Variants in DMP1 observed in about 807,000 individuals in gnomAD.
The protein encoded by DMP1 is dentin matrix protein 1.
A neutral mutation model predicts 14.6 loss-of-function variants in DMP1; 20 were observed. The ratio of observed to expected loss-of-function variants is 1.37; its 90% confidence interval spans 0.96 to 1.99. DMP1 has a LOEUF of 1.99. DMP1 is among the 30% of genes most tolerant of loss of function. The pLI, the probability that DMP1 is intolerant of heterozygous loss-of-function variation, is 0.00. For synonymous variants in DMP1, 197 were observed against 215.3 expected, an observed-to-expected ratio of 0.91 and a Z score of 0.75; for missense variants, 567 against 620.5, an observed-to-expected ratio of 0.91 and a Z score of 0.92.
intron 1 of DMP1, among the ~76,000 whole-genome samples, chr4:87,654,083 T>G (rs1006438947): frequency 2.0e-5 from 3 of 152,190 alleles, no homozygotes; most frequent in African/African-American, 7.2e-5. Context: ...TCTTGGCCTC[T>G]CCGTGCAGCA....
In DMP1 at chr4:87,657,113, A is replaced by G. The variant is rs775720445; in HGVS notation, c.102+34A>G. 3 of 1,239,028 alleles carry G rather than the reference A, an allele frequency of 2.4e-6. No individual in the cohort carries two copies. The African/African-American group carries it at 4.5e-5, about 19-fold the overall frequency. 76.8% of individuals were successfully genotyped at this position (1,239,028 alleles called of 1,614,324 possible). A position where few individuals can be genotyped will look rare whatever the true frequency, so the allele number is the denominator to read the frequency against. ...AAATATGACTTTTTGAAATATTTTAATTTTAATTTATTATGAGTATAACCA... is the reference window on the plus strand; with the variant it reads ...AAATATGACTTTTTGAAATATTTTAGTTTTAATTTATTATGAGTATAACCA... On this transcript the variant is annotated intron_variant, in intron 3 of 5. Transcript: ENST00000339673.
intron 1 of DMP1, among the ~76,000 whole-genome samples, chr4:87,652,568 G>A (rs1054862831): frequency 6.6e-6 from 1 of 152,116 alleles, no homozygotes; most frequent in Non-Finnish European, 1.5e-5. Context: ...ATGCTAACGA[G>A]TATTTCTAGA....
chr4:87,654,179 C>T (rs1728619319), intron 1 of DMP1, among the ~76,000 whole-genome samples: 1 of 152,108 alleles, frequency 6.6e-6, no homozygotes, highest in African/African-American at 2.4e-5. Context: ...CAGAGAATTT[C>T]TTTAAGGCCA....
chr4:87,655,539 A>G (rs202111728), intron 1 of DMP1, among the ~76,000 whole-genome samples: 1 of 79,234 alleles, frequency 1.3e-5, no homozygotes, highest in African/African-American at 4.8e-5. Flanking sequence ...CACAGTAGAT[A>G]TTAAGAGCTT....
rs1317854979 is a variant in DMP1, at chr4:87,662,497, A to G, written c.719A>G (p.Lys240Arg). 1 of 1,614,204 alleles carries G rather than the reference A, an allele frequency of 6.2e-7. No individual in the cohort carries two copies. Among genetic ancestry groups the G allele is most frequent in the Non-Finnish European group, 8.5e-7 (1 of 1,180,030 alleles). ...SRMNSAGMKS[K>R]ESGENSEQAN... ...ATGAACAGTGCAGGCATGAAATCAAAAGAATCTGGAGAAAACAGTGAGCAA... is the reference window on the plus strand; with the variant it reads ...ATGAACAGTGCAGGCATGAAATCAAGAGAATCTGGAGAAAACAGTGAGCAA... The change falls in exon 6 of 6, where the codon AAA becomes AGA. Residue 240 changes from lysine (K) to arginine (R), a missense_variant. Transcript: ENST00000339673.
chr4:87,658,243 C>T (rs775663031), intron 3 of DMP1, among the ~76,000 whole-genome samples: 5 of 152,256 alleles, frequency 3.3e-5, no homozygotes, highest in Non-Finnish European at 4.4e-5. Context: ...GAGATACCCC[C>T]AGTCCAGCAC....
Position 87,663,443 on chromosome 4 carries a change from G to A in DMP1, c.*123G>A, listed in dbSNP as rs543828840. The A allele has an allele frequency of 7.2e-5, 105 of 1,454,182 alleles. No homozygotes were observed. The highest frequency in any genetic ancestry group is 2.5e-4 in the Admixed American group (14 of 56,748). The allele number at this position is 1,454,182 out of a possible 1,614,324, so 90.1% of individuals were successfully genotyped here. A position where few individuals can be genotyped will look rare whatever the true frequency, so the allele number is the denominator to read the frequency against. ...AATAACCAGATGCCATATTTTTCCTGAAAGGAATTGCTGGACATTACACTT... is the reference window on the plus strand; with the variant it reads ...AATAACCAGATGCCATATTTTTCCTAAAAGGAATTGCTGGACATTACACTT... On this transcript the variant is annotated 3_prime_UTR_variant, in exon 6 of 6. Transcript: ENST00000339673.
chr4:87,663,886 G>T lies in DMP1; in HGVS notation c.*566G>T, dbSNP rs1729010341. On this transcript the variant is annotated 3_prime_UTR_variant, in exon 6 of 6. Transcript: ENST00000339673. ...GAGGGCTTCATAGCAGAAGACATTG[G>T]AGTTGGAAGGTTGCATAGGGTTTCC... 1 of 159,618 alleles carries T rather than the reference G, an allele frequency of 6.3e-6. No homozygotes were observed. The highest frequency in any genetic ancestry group is 2.4e-5 in the African/African-American group (1 of 41,508). The allele number at this position is 159,618 out of a possible 1,614,324, so 9.9% of individuals were successfully genotyped here.
intron 1 of DMP1, among the ~76,000 whole-genome samples, chr4:87,651,450 A>C (rs1176179556): frequency 1.3e-5 from 2 of 152,206 alleles, no homozygotes; most frequent in East Asian, 3.8e-4. Flanking sequence ...GTTTCTCTGG[A>C]TTCCTGGTAG....
intron 5 of DMP1, among the ~76,000 whole-genome samples, chr4:87,659,796 C>G (rs1365108408): frequency 6.6e-6 from 1 of 152,180 alleles, no homozygotes; most frequent in Non-Finnish European, 1.5e-5. Flanking sequence ...GTCAAACTTG[C>G]TCATCAACTT....
chr4:87,662,901 G>A lies in DMP1; in HGVS notation c.1123G>A (p.Val375Ile), dbSNP rs2110017319. The change falls in exon 6 of 6, where the codon GTA becomes ATA. Residue 375 changes from valine (V) to isoleucine (I), a missense_variant. Coordinates refer to ENST00000339673, the MANE Select transcript of DMP1 (RefSeq NM_004407.4). ...TAACCCCGACCCCACAACTAGTTAT[G>A]TAGAAGACCAGGAAGACAGTGACTC... ...GDNPDPTTSYVEDQEDSDSSE... is the reference protein window; with the variant it reads ...GDNPDPTTSYIEDQEDSDSSE... The A allele has an allele frequency of 6.2e-7, 1 of 1,614,202 alleles. No homozygotes were observed. The highest frequency in any genetic ancestry group is 1.7e-5 in the Admixed American group (1 of 60,018).
At chr4:87,657,609 T>A (rs1405009601) in intron 3 of DMP1, among the ~76,000 whole-genome samples, 1 of 152,224 alleles carries the variant, frequency 6.6e-6, no homozygotes, top group African/African-American at 2.4e-5. Flanking sequence ...TATGTTTTAT[T>A]CTCACTTTAC....
At chr4:87,659,185 G>C (rs528870523) in intron 3 of DMP1, 35 bp from the exon 4 acceptor site, 2 of 1,606,728 alleles carry the variant, frequency 1.2e-6, no homozygotes, top group Admixed American at 3.3e-5. Flanking sequence ...ATCTGTGAGG[G>C]AGTAATTTGT....
intron 3 of DMP1, among the ~76,000 whole-genome samples, chr4:87,658,575 G>T (rs1396436784): frequency 6.6e-6 from 1 of 152,154 alleles, no homozygotes; most frequent in Non-Finnish European, 1.5e-5. Context: ...GTTATCAAAT[G>T]GATTTTTTCT....
At chr4:87,653,386 G>GAGAT (rs1400220280) in intron 1 of DMP1, among the ~76,000 whole-genome samples, 1 of 57,728 alleles carries the variant, frequency 1.7e-5, no homozygotes, top group Non-Finnish European at 3.6e-5. Context: ...ATTATCGAGT[G>GAGAT]ATATATATAT....
intron 5 of DMP1, 102 bp downstream of exon 5, chr4:87,659,580 T>C: frequency 8.6e-7 from 1 of 1,160,534 alleles, no homozygotes; most frequent in South Asian, 1.2e-5. Context: ...TAATATTTTC[T>C]AACTATGAGT....
In DMP1 at chr4:87,663,485, C is replaced by A. The variant is rs1578156943; in HGVS notation, c.*165C>A. 23 of 1,012,126 alleles carry A rather than the reference C, an allele frequency of 2.3e-5. No homozygotes were observed. Among genetic ancestry groups the A allele is most frequent in the South Asian group, 1.3e-4 (9 of 68,206 alleles). The allele number at this position is 1,012,126 out of a possible 1,614,324, so 62.7% of individuals were successfully genotyped here. A position where few individuals can be genotyped will look rare whatever the true frequency, so the allele number is the denominator to read the frequency against. ...ATTACACTTGTTTTTAGGGTGTCATCATTTCACAGAGGTTTAAATACTGTG... is the reference window on the plus strand; with the variant it reads ...ATTACACTTGTTTTTAGGGTGTCATAATTTCACAGAGGTTTAAATACTGTG... On this transcript the variant is annotated 3_prime_UTR_variant, in exon 6 of 6. Coordinates refer to ENST00000339673, the MANE Select transcript of DMP1 (RefSeq NM_004407.4).
In DMP1 at chr4:87,663,022, C is replaced by T; in HGVS notation, c.1244C>T (p.Ser415Leu). ...DSESSESLNF[S>L]EESPESPEDE... Reference sequence around the variant, plus strand: ...GAATCCAGTGAGAGCCTCAACTTCTCAGAGGAAAGCCCGGAGTCCCCTGAG... The same window carrying T: ...GAATCCAGTGAGAGCCTCAACTTCTTAGAGGAAAGCCCGGAGTCCCCTGAG... Residue 415 changes from serine (S) to leucine (L), a missense_variant, in exon 6 of 6, where the codon TCA (serine) becomes TTA (leucine). Physicochemically the swap from Ser to Leu is moderately radical, Grantham distance 145 (BLOSUM62 -2). Coordinates refer to ENST00000339673, the MANE Select transcript of DMP1 (RefSeq NM_004407.4). 6.2e-7 allele frequency: 1 copy of T among 1,614,170 alleles called. No individual in the cohort carries two copies. Among genetic ancestry groups the T allele is most frequent in the Non-Finnish European group, 8.5e-7 (1 of 1,180,012 alleles).
intron 1 of DMP1, among the ~76,000 whole-genome samples, chr4:87,650,791 T>C (rs568442116): frequency 3.9e-5 from 6 of 152,262 alleles, no homozygotes; most frequent in African/African-American, 9.6e-5. Context: ...GCTAAACTTA[T>C]TGAATGGCAG....
Sources: allele counts gnomAD v4.1 joint callset (sites outside exome capture counted in the v4.1 genomes callset), GRCh38; gene constraint gnomAD v4.1.1; transcripts MANE v1.5; gene names NCBI Gene and HGNC (gene_info 2026-07-23, HGNC 2026-07-21).